Variants in DENND1A observed in about 807,000 individuals in gnomAD.
The protein encoded by DENND1A is DENN domain containing 1A.
DENND1A carries 51 observed loss-of-function variants against 113.7 expected under a neutral mutation model. That is an observed-to-expected ratio of 0.45 (90% CI 0.36 to 0.57). DENND1A has a LOEUF of 0.57. DENND1A is among the 20% of genes least tolerant of loss of function. DENND1A has a pLI of 0.00. For missense variants in DENND1A, 1,258 were observed against 1,395.9 expected (o/e 0.90, Z 1.57); for synonymous variants, 565 against 570.8 (o/e 0.99, Z 0.14).
chr9:123,576,438 T>C (rs2058640813), intron 12 of DENND1A, among the ~76,000 whole-genome samples: 1 of 152,260 alleles, frequency 6.6e-6, no homozygotes, highest in Non-Finnish European at 1.5e-5. Flanking sequence ...AAGAACTTCT[T>C]TTGTAGTGCA....
intron 1 of DENND1A, among the ~76,000 whole-genome samples, chr9:123,923,149 C>T (rs911764322): frequency 6.6e-6 from 1 of 152,220 alleles, no homozygotes; most frequent in African/African-American, 2.4e-5. Flanking sequence ...GATTTAATAA[C>T]TCAATGCAAA....
At chr9:123,448,509 C>A (rs921531429) in intron 18 of DENND1A, among the ~76,000 whole-genome samples, 1 of 152,184 alleles carries the variant, frequency 6.6e-6, no homozygotes, top group Non-Finnish European at 1.5e-5. Flanking sequence ...AACGAGCCTA[C>A]GATCCAGGCA....
intron 11 of DENND1A, among the ~76,000 whole-genome samples, chr9:123,586,330 C>A (rs1331612900): frequency 6.6e-6 from 1 of 152,154 alleles, no homozygotes; most frequent in African/African-American, 2.4e-5. Flanking sequence ...GTGGCACAGA[C>A]CAGCCCTTGT....
chr9:123,543,524 AAC>A, intron 13 of DENND1A, among the ~76,000 whole-genome samples: 1 of 152,304 alleles, frequency 6.6e-6, no homozygotes, highest in South Asian at 2.1e-4. Context: ...TGTAGAGGCC[AAC>A]ACAGTCTCTT....
intron 4 of DENND1A, 118 bp from the exon 5 acceptor site, chr9:123,757,940 AT>A: frequency 8.0e-7 from 1 of 1,253,354 alleles, no homozygotes; most frequent in Non-Finnish European, 1.1e-6. Flanking sequence ...AACTCTTAAA[AT>A]TTACACATTT....
chr9:123,925,692 T>TCTA (rs1372094315), intron 1 of DENND1A, among the ~76,000 whole-genome samples: 1 of 152,236 alleles, frequency 6.6e-6, no homozygotes, highest in African/African-American at 2.4e-5. Context: ...TCTTCTTAGT[T>TCTA]CTACAGTAGG....
intron 2 of DENND1A, among the ~76,000 whole-genome samples, chr9:123,819,296 CAG>C (rs1000855281): frequency 6.6e-6 from 1 of 152,178 alleles, no homozygotes; most frequent in Non-Finnish European, 1.5e-5. Flanking sequence ...ACCATCCTAA[CAG>C]AGTCAAATGT....
At chr9:123,464,951 C>A (rs2048812567) in intron 13 of DENND1A, among the ~76,000 whole-genome samples, 2 of 135,994 alleles carry the variant, frequency 1.5e-5, no homozygotes, top group South Asian at 2.3e-4. Context: ...GAGTTTGAGA[C>A]CAGCCTGGCC....
intron 13 of DENND1A, among the ~76,000 whole-genome samples, chr9:123,514,854 A>G (rs996629526): frequency 4.6e-5 from 7 of 152,210 alleles, no homozygotes; most frequent in Non-Finnish European, 1.0e-4. Context: ...TGGTGCCTAG[A>G]TCTTGGTTTC....
chr9:123,446,588 G>A (rs1011178856), intron 18 of DENND1A, among the ~76,000 whole-genome samples: 3 of 152,160 alleles, frequency 2.0e-5, no homozygotes, highest in Admixed American at 2.0e-4. Context: ...ACTTTGAGAG[G>A]CCTAGGAGGG....
At chr9:123,549,951 T>C (rs1376206961) in intron 13 of DENND1A, among the ~76,000 whole-genome samples, 2 of 152,232 alleles carry the variant, frequency 1.3e-5, no homozygotes, top group Non-Finnish European at 2.9e-5. Context: ...ACAGTTTTTA[T>C]TGTTTTTTCA....
chr9:123,779,423 G>A (rs901106224), intron 3 of DENND1A, among the ~76,000 whole-genome samples: 1 of 152,102 alleles, frequency 6.6e-6, no homozygotes, highest in Non-Finnish European at 1.5e-5. Context: ...AACAGCACAA[G>A]GTAAATGACT....
At chr9:123,733,211 C>G (rs2068309441) in intron 5 of DENND1A, among the ~76,000 whole-genome samples, 1 of 151,984 alleles carries the variant, frequency 6.6e-6, no homozygotes, top group African/African-American at 2.4e-5. Context: ...AAACTCCCAA[C>G]CTCAGGTGAC....
chr9:123,779,872 C>CTTTTTTTTTTTTTTTTTTTTTT (rs72419269), intron 3 of DENND1A, among the ~76,000 whole-genome samples: 1 of 143,878 alleles, frequency 7.0e-6, no homozygotes. Flanking sequence ...TTGCATGAGA[C>CTTTTTTTTTTTTTTTTTTTTTT]TTTTTTTTGA....
chr9:123,896,390 C>T (rs1206456471), intron 1 of DENND1A, among the ~76,000 whole-genome samples: 2 of 151,864 alleles, frequency 1.3e-5, no homozygotes, highest in South Asian at 2.1e-4. Context: ...CTAAGAGTGG[C>T]TTCAGGACAC....
chr9:123,766,187 C>A (rs1385368068), intron 4 of DENND1A, among the ~76,000 whole-genome samples: 8 of 152,200 alleles, frequency 5.3e-5, no homozygotes, highest in Non-Finnish European at 1.2e-4. Flanking sequence ...TAGGCTCTCC[C>A]TCCCACTTGC....
intron 20 of DENND1A, among the ~76,000 whole-genome samples, chr9:123,407,386 A>G (rs2043953828): frequency 6.6e-6 from 1 of 152,052 alleles, no homozygotes; most frequent in South Asian, 2.1e-4. Context: ...ACACTATCTC[A>G]CAAATACACA....
chr9:123,521,187 G>C (rs1234139438), intron 13 of DENND1A, among the ~76,000 whole-genome samples: 1 of 152,176 alleles, frequency 6.6e-6, no homozygotes, highest in Admixed American at 6.5e-5. Context: ...GCCTTTAGGG[G>C]CCAGTGCACC....
chr9:123,472,882 C>A (rs373809728), intron 13 of DENND1A, among the ~76,000 whole-genome samples: 1 of 152,076 alleles, frequency 6.6e-6, no homozygotes, highest in Non-Finnish European at 1.5e-5. Flanking sequence ...GGGGAGGCCA[C>A]TCAGGCTGGG....
Sources: gnomAD v4.1 joint callset for allele counts (sites outside exome capture counted in the v4.1 genomes callset) on GRCh38, gnomAD v4.1.1 for gene constraint, MANE v1.5 for transcripts, NCBI Gene and HGNC (gene_info 2026-07-23, HGNC 2026-07-21) for gene names.